Variants in PEAK1 observed in about 807,000 individuals in gnomAD.
The protein encoded by PEAK1 is pseudopodium enriched atypical kinase 1.
In PEAK1, 54 loss-of-function variants were observed where a neutral mutation model predicts 124.7. The ratio of observed to expected loss-of-function variants is 0.43; its 90% CI spans 0.35 to 0.54. The LOEUF is 0.54. Ranked by LOEUF, PEAK1 falls within the 20% of genes least tolerant of loss-of-function variation. PEAK1 has a pLI of 0.01. For synonymous variants in PEAK1, 719 were observed against 760.0 expected (o/e 0.95, Z 0.89); for missense variants, 2,046 against 2,134.5 (o/e 0.96, Z 0.82).
intron 1 of PEAK1, among the ~76,000 whole-genome samples, chr15:77,401,009 T>C (rs2071335485): frequency 1.3e-5 from 2 of 152,176 alleles, no homozygotes; most frequent in African/African-American, 4.8e-5. Flanking sequence ...GTATTGTTTA[T>C]GTCAGAATAA....
intron 1 of PEAK1, among the ~76,000 whole-genome samples, chr15:77,374,665 T>C (rs1252684888): frequency 6.6e-6 from 1 of 152,162 alleles, no homozygotes; most frequent in African/African-American, 2.4e-5. Context: ...TTTAATACTT[T>C]AAAATTTTCT....
At chr15:77,118,240 C>T (rs2051574632) in intron 9 of PEAK1, among the ~76,000 whole-genome samples, 1 of 152,114 alleles carries the variant, frequency 6.6e-6, no homozygotes, top group Non-Finnish European at 1.5e-5. Flanking sequence ...TGGTTCATAA[C>T]CCTGAAAACA....
At chr15:77,401,211 T>A (rs1265869589) in intron 1 of PEAK1, among the ~76,000 whole-genome samples, 1 of 152,212 alleles carries the variant, frequency 6.6e-6, no homozygotes, top group East Asian at 1.9e-4. Flanking sequence ...TCATTTATAA[T>A]AAATGTGTCT....
At chr15:77,408,747 T>C (rs532783170) in intron 1 of PEAK1, among the ~76,000 whole-genome samples, 5 of 152,290 alleles carry the variant, frequency 3.3e-5, no homozygotes, top group African/African-American at 1.2e-4. Flanking sequence ...TTTTCAGCAT[T>C]TGAAATATTC....
In PEAK1 at chr15:77,114,644, T is replaced by C. The variant is rs1360394202; in HGVS notation, c.4753A>G (p.Thr1585Ala). 2 of 1,613,608 alleles carry C rather than the reference T, an allele frequency of 1.2e-6. No homozygotes were observed. The highest frequency in any genetic ancestry group is 2.7e-5 in the African/African-American group (2 of 74,762). Residue 1585 changes from threonine to alanine, a missense_variant, in exon 10 of 10, where the codon ACC becomes GCC. Physicochemically the swap from Thr to Ala is moderately conservative, Grantham distance 58. Coordinates refer to ENST00000682557, the MANE Select transcript of PEAK1 (RefSeq NM_001385026.1). Reference protein sequence around the residue: ...SRLAPEIITATQYKKCDEFQT... With the variant: ...SRLAPEIITAAQYKKCDEFQT... The stretch of plus-strand genomic sequence containing the variant: ...AACTCATCACACTTTTTATACTGGG[T>C]AGCTGTTATGATCTCTGGGGCAAGG...
intron 8 of PEAK1, chr15:77,155,598 T>C (rs1431063000): frequency 6.6e-6 from 1 of 152,240 alleles, no homozygotes; most frequent in Non-Finnish European, 1.5e-5. Flanking sequence ...CTCTGTTTTT[T>C]CCCCATCTTT....
intron 1 of PEAK1, among the ~76,000 whole-genome samples, chr15:77,399,718 G>A (rs1164379283): frequency 1.3e-5 from 2 of 152,066 alleles, no homozygotes; most frequent in Non-Finnish European, 2.9e-5. Context: ...CTACTACAAG[G>A]AAACACTGGG....
chr15:77,176,345 A>G (rs2056877853), intron 7 of PEAK1, among the ~76,000 whole-genome samples: 3 of 151,792 alleles, frequency 2.0e-5, no homozygotes. Context: ...AAAGTTTAAT[A>G]TCTCAATCAC....
intron 5 of PEAK1, among the ~76,000 whole-genome samples, chr15:77,267,827 C>T (rs1358567345): frequency 6.6e-6 from 1 of 152,098 alleles, no homozygotes; most frequent in Non-Finnish European, 1.5e-5. Context: ...CAAAAAATCA[C>T]ACTAACTCAC....
chr15:77,229,557 A>G (rs1474547562), intron 6 of PEAK1, among the ~76,000 whole-genome samples: 3 of 152,040 alleles, frequency 2.0e-5, no homozygotes, highest in Non-Finnish European at 2.9e-5. Flanking sequence ...GTAAATCAAC[A>G]TTAATAACTT....
chr15:77,321,361 G>A (rs1340252179), intron 2 of PEAK1, among the ~76,000 whole-genome samples: 1 of 152,168 alleles, frequency 6.6e-6, no homozygotes, highest in Non-Finnish European at 1.5e-5. Flanking sequence ...TCTAACTGGT[G>A]TGAGATGGTA....
At chr15:77,303,713 G>C (rs902160156) in intron 2 of PEAK1, among the ~76,000 whole-genome samples, 1 of 152,080 alleles carries the variant, frequency 6.6e-6, no homozygotes, top group Non-Finnish European at 1.5e-5. Context: ...TCTTTTAATA[G>C]AGTATTTCAC....
chr15:77,412,335 C>G (rs1352209454), intron 1 of PEAK1, among the ~76,000 whole-genome samples: 1 of 152,178 alleles, frequency 6.6e-6, no homozygotes, highest in Non-Finnish European at 1.5e-5. Context: ...AAAACTTAAC[C>G]AGTCTAGAAC....
At chr15:77,267,647 T>A (rs538119885) in intron 5 of PEAK1, among the ~76,000 whole-genome samples, 10 of 151,932 alleles carry the variant, frequency 6.6e-5, no homozygotes, top group Non-Finnish European at 1.0e-4. Context: ...GAAATTCCCA[T>A]CCCTATGGGA....
At chr15:77,135,778 T>C (rs547283325) in intron 8 of PEAK1, among the ~76,000 whole-genome samples, 66 of 152,350 alleles carry the variant, frequency 4.3e-4, no homozygotes, top group Admixed American at 1.1e-3. Flanking sequence ...ACATACGATG[T>C]GACTTGCTCC....
chr15:77,114,693 G>A lies in PEAK1; in HGVS notation c.4704C>T (p.Pro1568=), dbSNP rs778259604. ...GGCGAGACTGGTCCCGGAGGATCTC[G>A]GGGTCCACCAGATGGCTCTTCTGCT... The part of the protein sequence containing the change: ...QAKQKSHLVD[P]EILRDQSRLA... Residue 1568 remains proline (P), a synonymous_variant, in exon 10 of 10, where the codon CCC becomes CCT. Transcript: ENST00000682557. The A allele has an allele frequency of 2.5e-6, 4 of 1,613,640 alleles. No homozygotes were observed. The highest frequency in any genetic ancestry group is 1.7e-5 in the Admixed American group (1 of 59,984).
chr15:77,321,171 AC>A (rs1252757465), intron 2 of PEAK1, among the ~76,000 whole-genome samples: 2 of 152,216 alleles, frequency 1.3e-5, no homozygotes, highest in African/African-American at 4.8e-5. Flanking sequence ...TTGGGTATAT[AC>A]CCAGTAATGG....
intron 5 of PEAK1, among the ~76,000 whole-genome samples, chr15:77,274,978 C>T (rs2062233663): frequency 6.6e-6 from 1 of 152,104 alleles, no homozygotes; most frequent in African/African-American, 2.4e-5. Context: ...TGGAATACTA[C>T]TCAGCAATAA....
chr15:77,336,719 G>A (rs1298058903), intron 2 of PEAK1: 3 of 234,412 alleles, frequency 1.3e-5, no homozygotes, highest in Non-Finnish European at 2.1e-5. Flanking sequence ...CATTATTAAT[G>A]GCACATGGAG....
Sources: gnomAD v4.1 joint callset for allele counts (sites outside exome capture counted in the v4.1 genomes callset) on GRCh38, gnomAD v4.1.1 for gene constraint, MANE v1.5 for transcripts, NCBI Gene and HGNC (gene_info 2026-07-23, HGNC 2026-07-21) for gene names.